Variants in RCOR3 observed in about 807,000 individuals in gnomAD.
RCOR3 encodes the protein REST corepressor 3.
Under a neutral mutation model 64.1 loss-of-function variants are expected in RCOR3, and 13 were observed. The ratio of observed to expected loss-of-function variants is 0.20; its 90% CI spans 0.13 to 0.32. The LOEUF is 0.32. Ranked by LOEUF, RCOR3 falls within the 10% of genes least tolerant of loss-of-function variation. The probability of loss-of-function intolerance (pLI) is 1.00; values close to 1 mark genes in which losing one functional copy is unlikely to be tolerated. For missense variants in RCOR3, 489 were observed against 701.2 expected (o/e 0.70, Z 3.42); for synonymous variants, 215 against 239.0 (o/e 0.90, Z 0.93).
At chr1:211,308,960 C>T (rs991084702) in intron 10 of RCOR3, among the ~76,000 whole-genome samples, 4 of 151,654 alleles carry the variant, frequency 2.6e-5, no homozygotes, top group African/African-American at 9.7e-5. Context: ...GGTCTGTCTG[C>T]CTTGGCCTTC....
chr1:211,306,304 TAC>T (rs1360113456), intron 10 of RCOR3, among the ~76,000 whole-genome samples: 1 of 152,092 alleles, frequency 6.6e-6, no homozygotes. Flanking sequence ...GGTCTTTTAA[TAC>T]ACAGTTTACT....
chr1:211,294,305 A>G (rs1049008941), intron 8 of RCOR3, among the ~76,000 whole-genome samples: 2 of 152,126 alleles, frequency 1.3e-5, no homozygotes, highest in Admixed American at 1.3e-4. Flanking sequence ...CCCTCCTACC[A>G]CTTGCATAAT....
intron 1 of RCOR3, 35 bp from the exon 2 acceptor site, chr1:211,260,073 A>G (rs372408123): frequency 5.9e-6 from 9 of 1,514,126 alleles, no homozygotes; most frequent in Non-Finnish European, 7.9e-6. Flanking sequence ...CTTCTTTTTT[A>G]TTTTTTATAT....
chr1:211,278,136 C>A lies in RCOR3; in HGVS notation c.536C>A (p.Ala179Glu). ...IQQMLPDKTI[A>E]SLVKYYYSWK... ...TTTAAGCTTCCAGATAAGACAATTG[C>A]AAGCCTTGTAAAATATTACTATTCT... The change falls in exon 6 of 12, where the codon GCA becomes GAA. Residue 179 changes from alanine (A) to glutamate (E), a missense_variant. This residue lies in a region of RCOR3 where 402 missense variants were observed against 617.0 expected (regional missense o/e 0.65). Coordinates refer to ENST00000419091, the MANE Select transcript of RCOR3 (RefSeq NM_001136223.3). The A allele has an allele frequency of 6.3e-7, 1 of 1,599,586 alleles. No individual in the cohort carries two copies. The highest frequency in any genetic ancestry group is 1.8e-5 in the Admixed American group (1 of 56,310).
intron 9 of RCOR3, among the ~76,000 whole-genome samples, chr1:211,296,478 T>A (rs930152374): frequency 3.3e-5 from 5 of 152,150 alleles, no homozygotes; most frequent in Non-Finnish European, 5.9e-5. Flanking sequence ...TCTTATTTGT[T>A]CTTATTGGGA....
intron 2 of RCOR3, among the ~76,000 whole-genome samples, chr1:211,269,299 A>G (rs924557090): frequency 6.6e-6 from 1 of 151,976 alleles, no homozygotes; most frequent in Non-Finnish European, 1.5e-5. Context: ...CCTTGTCTCT[A>G]CTAAAAATAC....
chr1:211,309,631 T>C (rs1287865840), intron 10 of RCOR3, among the ~76,000 whole-genome samples: 2 of 152,206 alleles, frequency 1.3e-5, no homozygotes, highest in Admixed American at 1.3e-4. Flanking sequence ...CTTTAACAAC[T>C]ATGGTTCAAG....
chr1:211,278,270 T>G, intron 6 of RCOR3, 29 bp downstream of exon 6: 1 of 1,610,996 alleles, frequency 6.2e-7, no homozygotes, highest in Non-Finnish European at 8.5e-7. Context: ...TATAGTTACA[T>G]TGTTAGGGAC....
intron 2 of RCOR3, among the ~76,000 whole-genome samples, chr1:211,266,258 A>T (rs1018869796): frequency 1.2e-4 from 18 of 152,138 alleles, no homozygotes; most frequent in African/African-American, 4.3e-4. Flanking sequence ...AATATTCTCA[A>T]TATTTAAGTT....
intron 5 of RCOR3, among the ~76,000 whole-genome samples, chr1:211,276,772 G>A (rs765909335): frequency 5.9e-5 from 9 of 151,814 alleles, no homozygotes; most frequent in Admixed American, 2.0e-4. Context: ...TATATTTTTG[G>A]ATATGGAAGC....
intron 2 of RCOR3, among the ~76,000 whole-genome samples, chr1:211,268,583 G>A (rs1426525243): frequency 2.0e-5 from 3 of 151,676 alleles, no homozygotes; most frequent in Admixed American, 6.6e-5. Context: ...CTCCATGTTG[G>A]TCATGCTGGT....
intron 10 of RCOR3, among the ~76,000 whole-genome samples, chr1:211,307,325 T>C (rs1222807285): frequency 2.6e-5 from 4 of 151,986 alleles, no homozygotes; most frequent in African/African-American, 9.7e-5. Context: ...CCATCTTCAC[T>C]GAAAATACAA....
chr1:211,259,639 G>C lies in RCOR3; in HGVS notation c.79G>C (p.Gly27Arg). ...SANGSAKSPA[G>R]GGGSGASSTN... Reference sequence around the variant, plus strand: ...CAACGGCAGCGCCAAGAGCCCGGCAGGCGGCGGCGGCAGCGGCGCCTCGTC... The same window carrying C: ...CAACGGCAGCGCCAAGAGCCCGGCACGCGGCGGCGGCAGCGGCGCCTCGTC... The change falls in exon 1 of 12, where the codon GGC becomes CGC. Residue 27 changes from glycine (G) to arginine (R), a missense_variant. Around this residue, in one of 2 missense-constraint regions of RCOR3, gnomAD observed 87 missense variants for 84.3 expected, o/e 1.03. Coordinates refer to ENST00000419091, the MANE Select transcript of RCOR3 (RefSeq NM_001136223.3). 1 of 1,546,576 alleles carries C rather than the reference G, an allele frequency of 6.5e-7. No individual in the cohort carries two copies. The highest frequency in any genetic ancestry group is 8.7e-7 in the Non-Finnish European group (1 of 1,145,150).
chr1:211,272,776 T>C (rs909884499), intron 3 of RCOR3, among the ~76,000 whole-genome samples: 3 of 150,262 alleles, frequency 2.0e-5, no homozygotes, highest in African/African-American at 7.3e-5. Flanking sequence ...CGCCCGCCAC[T>C]ACGCCCGGCT....
intron 9 of RCOR3, among the ~76,000 whole-genome samples, chr1:211,298,179 C>T (rs2102617291): frequency 6.6e-6 from 1 of 152,272 alleles, no homozygotes; most frequent in South Asian, 2.1e-4. Context: ...AAAGAACTTG[C>T]AGTCTAGATG....
At chr1:211,266,540 CTT>C (rs895835752) in intron 2 of RCOR3, among the ~76,000 whole-genome samples, 1 of 152,088 alleles carries the variant, frequency 6.6e-6, no homozygotes, top group African/African-American at 2.4e-5. Context: ...CTACTATAGT[CTT>C]TTAAAATTAT....
chr1:211,273,167 G>A (rs1696477333), intron 3 of RCOR3, among the ~76,000 whole-genome samples: 1 of 152,116 alleles, frequency 6.6e-6, no homozygotes, highest in Non-Finnish European at 1.5e-5. Flanking sequence ...ATTCATATAT[G>A]AAGACTATAC....
At chr1:211,262,426 T>G (rs1461472831) in intron 2 of RCOR3, among the ~76,000 whole-genome samples, 1 of 152,174 alleles carries the variant, frequency 6.6e-6, no homozygotes, top group Non-Finnish European at 1.5e-5. Flanking sequence ...TGAAGAATTA[T>G]TCTGGATATA....
chr1:211,280,457 A>AATATTC (rs1311595058), intron 7 of RCOR3, among the ~76,000 whole-genome samples: 2 of 152,214 alleles, frequency 1.3e-5, no homozygotes, highest in African/African-American at 4.8e-5. Flanking sequence ...GGTATATGGC[A>AATATTC]AATATTCAAT....
Sources: gnomAD v4.1 joint callset for allele counts (sites outside exome capture counted in the v4.1 genomes callset) on GRCh38, gnomAD v4.1.1 for gene constraint, gnomAD v4.1.1 regional missense constraint, MANE v1.5 for transcripts, NCBI Gene and HGNC (gene_info 2026-07-23, HGNC 2026-07-21) for gene names.